The following PCGF2 variants were observed in gnomAD, a reference collection of about 807,000 sequenced individuals.
PCGF2 encodes the protein polycomb group ring finger 2, also known as polycomb group RING finger protein 2.
Under a neutral mutation model 36.1 loss-of-function variants are expected in PCGF2, and 8 were observed. The observed-to-expected ratio is 0.22, with a 90% CI of 0.13 to 0.40. The LOEUF is 0.40. Ranked by LOEUF, PCGF2 falls within the 10% of genes least tolerant of loss-of-function variation. The probability of loss-of-function intolerance (pLI) is 1.00; values close to 1 mark genes in which losing one functional copy is unlikely to be tolerated. For missense variants in PCGF2, 436 were observed against 475.9 expected (o/e 0.92, Z 0.78); for synonymous variants, 198 against 191.2 (o/e 1.04, Z -0.29).
In PCGF2 at chr17:38,735,311, C is replaced by G; in HGVS notation, c.947G>C (p.Gly316Ala). 1 of 1,530,918 alleles carries G rather than the reference C, an allele frequency of 6.5e-7. No homozygotes were observed. Among genetic ancestry groups the G allele is most frequent in the Non-Finnish European group, 8.8e-7 (1 of 1,132,298 alleles). 94.8% of individuals were successfully genotyped at this position (1,530,918 alleles called of 1,614,324 possible). ...ASGATTAANGGSLNCLQTPSS... is the reference protein window; with the variant it reads ...ASGATTAANGASLNCLQTPSS... ...TGGTGTCTGCAGGCAGTTCAAGCTA[C>G]CCCCGTTGGCAGCTGTGGTGGCCCC... The change falls in exon 11 of 11, where the codon GGT (glycine) becomes GCT (alanine). Residue 316 changes from glycine to alanine, a missense_variant. Around this residue, in one of 3 missense-constraint regions of PCGF2, gnomAD observed 227 missense variants for 212.9 expected, o/e 1.07. Transcript: ENST00000620225.
At chr17:38,738,146 G>C (rs1906907062) in intron 9 of PCGF2, among the ~76,000 whole-genome samples, 1 of 152,080 alleles carries the variant, frequency 6.6e-6, no homozygotes, top group African/African-American at 2.4e-5. Flanking sequence ...ACACCGTCTT[G>C]GTCCCATGCA....
chr17:38,743,842 C>T (rs928207511), intron 2 of PCGF2, among the ~76,000 whole-genome samples: 3 of 152,168 alleles, frequency 2.0e-5, no homozygotes, highest in Non-Finnish European at 4.4e-5. Flanking sequence ...GCTGCACTGG[C>T]TGGTGTGCTG....
chr17:38,746,648 C>T (rs534199778), intron 2 of PCGF2: 1 of 152,736 alleles, frequency 6.5e-6, no homozygotes, highest in Admixed American at 6.5e-5. Flanking sequence ...ATGACAACAG[C>T]TCCATCAACC....
At position 38,740,408 on chromosome 17, in the gene PCGF2, CG is replaced by C; in HGVS notation, c.-7del. The C allele has an allele frequency of 2.3e-6, 3 of 1,301,710 alleles. No individual in the cohort carries two copies. Among genetic ancestry groups the C allele is most frequent in the Non-Finnish European group, 1.0e-6 (1 of 979,168 alleles). 80.6% of individuals were successfully genotyped at this position (1,301,710 alleles called of 1,614,324 possible). ...ATCCGTGTAGTCCGATGCATGATTCCGGGGTCGGGGGTGGGGGGACTGGGGA... is the reference window on the plus strand; with the variant it reads ...ATCCGTGTAGTCCGATGCATGATTCCGGGTCGGGGGTGGGGGGACTGGGGA... On this transcript the variant is annotated 5_prime_UTR_variant, in exon 3 of 11. Coordinates refer to ENST00000620225, the MANE Select transcript of PCGF2 (RefSeq NM_007144.3).
intron 9 of PCGF2, among the ~76,000 whole-genome samples, chr17:38,736,631 G>A (rs941869321): frequency 6.6e-6 from 1 of 151,828 alleles, no homozygotes; most frequent in Non-Finnish European, 1.5e-5. Flanking sequence ...TCAGGAGATC[G>A]AGACCATCCT....
intron 2 of PCGF2, among the ~76,000 whole-genome samples, chr17:38,743,279 A>T (rs1479615524): frequency 6.7e-6 from 1 of 148,572 alleles, no homozygotes; most frequent in African/African-American, 2.5e-5. Context: ...TTTTTTAAAC[A>T]GAGATGGGGT....
chr17:38,738,244 C>A, intron 9 of PCGF2, 109 bp downstream of exon 9: 1 of 915,296 alleles, frequency 1.1e-6, no homozygotes, highest in South Asian at 1.5e-5. Context: ...CAGTTAACCG[C>A]GCAAGCCCTG....
chr17:38,740,257 C>T (rs372554079), intron 3 of PCGF2, 34 bp downstream of exon 3: 4 of 1,596,280 alleles, frequency 2.5e-6, no homozygotes, highest in Non-Finnish European at 3.4e-6. Flanking sequence ...ACAGAGGCTG[C>T]CCACCCTGAG....
chr17:38,741,914 C>G (rs1907226256), intron 2 of PCGF2, among the ~76,000 whole-genome samples: 1 of 152,088 alleles, frequency 6.6e-6, no homozygotes, highest in Non-Finnish European at 1.5e-5. Flanking sequence ...CTTTCATACA[C>G]AATGCAGGAA....
At chr17:38,738,915 C>T (rs1906977331) in intron 6 of PCGF2, 54 bp from the exon 7 acceptor site, 3 of 1,555,330 alleles carry the variant, frequency 1.9e-6, no homozygotes, top group Non-Finnish European at 2.7e-6. Flanking sequence ...GGGAGCCCGC[C>T]AAGGACCCAG....
chr17:38,742,195 A>G (rs760908090), intron 2 of PCGF2, among the ~76,000 whole-genome samples: 34 of 152,238 alleles, frequency 2.2e-4, no homozygotes, highest in Non-Finnish European at 3.5e-4. Context: ...AAGGGACAGC[A>G]GCCCTCCCTC....
intron 2 of PCGF2, among the ~76,000 whole-genome samples, chr17:38,747,358 G>A (rs1460816235): frequency 2.0e-5 from 3 of 152,174 alleles, no homozygotes; most frequent in African/African-American, 7.2e-5. Context: ...AGATCCCCCT[G>A]CTTCCGCTGG....
chr17:38,749,163 G>A (rs1907757954), upstream of PCGF2, among the ~76,000 whole-genome samples: 1 of 152,260 alleles, frequency 6.6e-6, no homozygotes, highest in African/African-American at 2.4e-5. The surrounding 1 kb of genome is among the most constrained non-coding windows in gnomAD (Gnocchi z 6.5). Context: ...GAAGGCGAGC[G>A]GCCACACTGG....
chr17:38,739,673 G>A lies in PCGF2; in HGVS notation c.122C>T (p.Thr41Ile). The A allele has an allele frequency of 1.9e-6, 3 of 1,613,882 alleles. No homozygotes were observed. Among genetic ancestry groups the A allele is most frequent in the Non-Finnish European group, 1.7e-6 (2 of 1,179,792 alleles). Residue 41 changes from threonine to isoleucine, a missense_variant, in exon 4 of 11, where the codon ACC becomes ATC. This residue lies in a region of PCGF2 where 189 missense variants were observed against 219.3 expected (regional missense o/e 0.86). Coordinates refer to ENST00000620225, the MANE Select transcript of PCGF2 (RefSeq NM_007144.3). This position sits in a 1 kb window ranked among gnomAD's most constrained non-coding sequence, Gnocchi z 4.0. ...GGTCTCCAGGTAGCGCACGATGCAGGTTTTGCAGACTTGGGGGTGTGGAGA... is the reference window on the plus strand; with the variant it reads ...GGTCTCCAGGTAGCGCACGATGCAGATTTTGCAGACTTGGGGGTGTGGAGA... ...IVECLHSFCK[T>I]CIVRYLETNK...
At chr17:38,743,094 CT>C (rs71138648) in intron 2 of PCGF2, among the ~76,000 whole-genome samples, 148 of 138,710 alleles carry the variant, frequency 1.1e-3, no homozygotes, top group Non-Finnish European at 1.5e-3. Flanking sequence ...GACACTTGCT[CT>C]TTTTTTTTTT....
chr17:38,742,805 C>A (rs1250775924), intron 2 of PCGF2, among the ~76,000 whole-genome samples: 1 of 152,200 alleles, frequency 6.6e-6, no homozygotes, highest in Non-Finnish European at 1.5e-5. Flanking sequence ...GTGTACGTGC[C>A]ATCTGGGCCT....
At chr17:38,746,762 G>A (rs1292599673) in intron 2 of PCGF2, 1 of 152,186 alleles carries the variant, frequency 6.6e-6, no homozygotes, top group Non-Finnish European at 1.5e-5. Context: ...TGGATCCTGG[G>A]GTTGGTTTCC....
intron 3 of PCGF2, 112 bp downstream of exon 3, chr17:38,740,179 C>T (rs547132907): frequency 1.0e-4 from 89 of 887,636 alleles, no homozygotes; most frequent in South Asian, 1.4e-4. Flanking sequence ...GACACGTGGG[C>T]GCGTTGGCTC....
chr17:38,749,349 G>A (rs1019629339), upstream of PCGF2: 2 of 240,278 alleles, frequency 8.3e-6, no homozygotes, highest in South Asian at 4.2e-5. This position sits in a 1 kb window ranked among gnomAD's most constrained non-coding sequence, Gnocchi z 6.5. Flanking sequence ...TCCCACTGGC[G>A]CCCCGGCTCC....
Sources: allele counts gnomAD v4.1 joint callset (sites outside exome capture counted in the v4.1 genomes callset), GRCh38; gene constraint gnomAD v4.1.1; regional missense constraint gnomAD v4.1.1; non-coding constraint Gnocchi (gnomAD v3.1); transcripts MANE v1.5; gene names NCBI Gene and HGNC (gene_info 2026-07-23, HGNC 2026-07-21).